Variants in HEATR5A observed in about 807,000 individuals in gnomAD.
HEATR5A encodes the protein HEAT repeat containing 5A.
A neutral mutation model predicts 218.8 loss-of-function variants in HEATR5A; 178 were observed. The ratio of observed to expected loss-of-function variants is 0.81; its 90% confidence interval spans 0.72 to 0.92. The LOEUF (loss-of-function observed/expected upper bound fraction) is 0.92. Ranked by LOEUF, HEATR5A falls within the 40% of genes least tolerant of loss-of-function variation. The probability of loss-of-function intolerance (pLI) is 0.00; values close to 1 mark genes in which losing one functional copy is unlikely to be tolerated. For missense variants in HEATR5A, 2,420 were observed against 2,418.9 expected (o/e 1.00, Z -0.01); for synonymous variants, 864 against 871.6 (o/e 0.99, Z 0.15).
chr14:31,338,976 C>T (rs112585592), intron 21 of HEATR5A, among the ~76,000 whole-genome samples: 12 of 151,190 alleles, frequency 7.9e-5, no homozygotes, highest in African/African-American at 1.9e-4. Context: ...AAAAATTAGC[C>T]GGGCATGGTG....
Position 31,352,605 on chromosome 14 carries a change from C to T in HEATR5A, c.2412-1888G>A, listed in dbSNP as rs17097835. On this transcript the variant is annotated intron_variant, in intron 16 of 35. Coordinates refer to ENST00000543095, the MANE Select transcript of HEATR5A (RefSeq NM_015473.4). ...AGTTAAAGAGTAAAAAGGAAGGTAT[C>T]GAGGCTATGTGTACATCATAAGGGT... is the stretch of plus-strand genomic sequence containing the variant. 9.8e-3 allele frequency among the ~76,000 whole-genome samples: 1,486 copies of T among 152,104 alleles called. 22 individuals are homozygous for T. The highest frequency in any genetic ancestry group is 0.034 in the African/African-American group (1,402 of 41,482).
At chr14:31,295,570 T>TC (rs1373168979) in intron 34 of HEATR5A, 2 of 153,192 alleles carry the variant, frequency 1.3e-5, no homozygotes, top group African/African-American at 4.9e-5. Context: ...TTTTTTTTTT[T>TC]TTTTTTTTTT....
intron 14 of HEATR5A, 70 bp from the exon 15 acceptor site, chr14:31,359,127 A>C: frequency 7.5e-6 from 11 of 1,474,990 alleles, no homozygotes; most frequent in Non-Finnish European, 1.0e-5. Context: ...TTTAAAACTC[A>C]GGTTGAGCTT....
intron 22 of HEATR5A, among the ~76,000 whole-genome samples, chr14:31,334,863 G>A (rs951815367): frequency 1.9e-4 from 29 of 150,616 alleles, no homozygotes; most frequent in African/African-American, 4.9e-4. Context: ...GGAGAATGGC[G>A]GAAACCCGGG....
intron 35 of HEATR5A, 136 bp downstream of exon 35, chr14:31,293,754 CA>C: frequency 9.6e-7 from 1 of 1,039,722 alleles, no homozygotes; most frequent in Non-Finnish European, 1.4e-6. Flanking sequence ...TAAATAATAT[CA>C]ATACTTGGGA....
rs182156937 is a variant in HEATR5A, at chr14:31,334,728, C to T, written c.3367+2748G>A. Among the ~76,000 whole-genome samples, 812 of 152,200 alleles carry T rather than the reference C, an allele frequency of 5.3e-3. 2 individuals carry two copies. The highest frequency in any genetic ancestry group is 0.02 in the Middle Eastern group (6 of 294). ...TTGGGAGGCCGAGGCGAGTGGATCACGAGGTCAGGAGATTGAGACAATCCT... is the reference window on the plus strand; with the variant it reads ...TTGGGAGGCCGAGGCGAGTGGATCATGAGGTCAGGAGATTGAGACAATCCT... On this transcript the variant is annotated intron_variant, in intron 22 of 35. Coordinates refer to ENST00000543095, the MANE Select transcript of HEATR5A (RefSeq NM_015473.4).
intron 1 of HEATR5A, 32 bp from the exon 2 acceptor site, chr14:31,403,081 G>GA: frequency 2.9e-6 from 3 of 1,046,762 alleles, no homozygotes; most frequent in Non-Finnish European, 4.0e-6. Flanking sequence ...TATTTTAAAA[G>GA]GGGGGTAAAA....
intron 4 of HEATR5A, among the ~76,000 whole-genome samples, chr14:31,396,934 T>C (rs1382234443): frequency 6.6e-6 from 1 of 152,190 alleles, no homozygotes; most frequent in East Asian, 1.9e-4. Context: ...ACCAGTGGAA[T>C]TAGGAGGAAG....
rs548019191 is a variant in HEATR5A at position 31,298,118 on chromosome 14, T to C, written c.5465-2055A>G. 2.6e-5 allele frequency among the ~76,000 whole-genome samples: 4 copies of C among 152,310 alleles called. No individual in the cohort carries two copies. The East Asian group carries it at 7.7e-4, about 29-fold the overall frequency. On this transcript the variant is annotated intron_variant, in intron 33 of 35. Coordinates refer to ENST00000543095, the MANE Select transcript of HEATR5A (RefSeq NM_015473.4). The stretch of plus-strand genomic sequence containing the variant: ...CCATATGAATGAGTCATCTTGGAAA[T>C]GAATCCTCTAGCTGCAGCCCTGGCC...
At chr14:31,389,752 CA>C (rs528425440) in intron 6 of HEATR5A, among the ~76,000 whole-genome samples, 31 of 152,096 alleles carry the variant, frequency 2.0e-4, no homozygotes, top group East Asian at 7.7e-4. Context: ...CAGTTATGAA[CA>C]AAAAAACCTC....
chr14:31,345,608 C>G (rs775349046), intron 19 of HEATR5A, among the ~76,000 whole-genome samples: 35 of 152,270 alleles, frequency 2.3e-4, no homozygotes, highest in African/African-American at 8.2e-4. Flanking sequence ...TCTACAATTA[C>G]ATTCAACAAT....
chr14:31,305,674 G>C (rs1380491135), intron 31 of HEATR5A, among the ~76,000 whole-genome samples: 1 of 152,178 alleles, frequency 6.6e-6, no homozygotes, highest in Non-Finnish European at 1.5e-5. Context: ...TTGCTCAAAA[G>C]AAGTCTTTTT....
rs1366242923 is a variant in HEATR5A, at chr14:31,292,533, C to T, written c.*772G>A. The T allele has an allele frequency of 1.3e-5, 2 of 151,782 alleles. No homozygotes were observed. Among genetic ancestry groups the T allele is most frequent in the African/African-American group, 4.8e-5 (2 of 41,280 alleles). The allele number at this position is 151,782 out of a possible 1,614,324, so 9.4% of individuals were successfully genotyped here. A position where few individuals can be genotyped will look rare whatever the true frequency, so the allele number is the denominator to read the frequency against. On this transcript the variant is annotated 3_prime_UTR_variant, in exon 36 of 36. Transcript: ENST00000543095. The stretch of plus-strand genomic sequence containing the variant: ...CTAAATAGCTCTCCAATCATTTTAT[C>T]TTCTTGGAGAAATCAGAGAAAGTTT...
chr14:31,300,317 GCT>G (rs1456854852), intron 33 of HEATR5A, among the ~76,000 whole-genome samples: 2 of 149,966 alleles, frequency 1.3e-5, no homozygotes, highest in African/African-American at 4.9e-5. Context: ...AGACAGTCTC[GCT>G]CTGTTGCCCA....
At chr14:31,330,406 C>G (rs1020372722) in intron 22 of HEATR5A, among the ~76,000 whole-genome samples, 1 of 152,124 alleles carries the variant, frequency 6.6e-6, no homozygotes. Flanking sequence ...CCCATAAAAC[C>G]ATTTTTCCCT....
At chr14:31,337,688 T>C in intron 21 of HEATR5A, 74 bp from the exon 22 acceptor site, 1 of 1,313,260 alleles carries the variant, frequency 7.6e-7, no homozygotes. Flanking sequence ...AGATATTCAC[T>C]GGACCCCTTC....
At chr14:31,407,272 T>G (rs1479599036) in intron 1 of HEATR5A, among the ~76,000 whole-genome samples, 1 of 152,176 alleles carries the variant, frequency 6.6e-6, no homozygotes, top group Non-Finnish European at 1.5e-5. Flanking sequence ...GCAAGTCATT[T>G]TTTAAAAAGC....
In HEATR5A at chr14:31,403,035, C is replaced by A; in HGVS notation, c.-60G>T. On this transcript the variant is annotated 5_prime_UTR_variant, in exon 2 of 36. Coordinates refer to ENST00000543095, the MANE Select transcript of HEATR5A (RefSeq NM_015473.4). ...TTCTCGTTAAACTTTGGTCAATATA[C>A]CTAACAATAAAAATCTGCAATACAG... 1 of 1,444,820 alleles carries A rather than the reference C, an allele frequency of 6.9e-7. No homozygotes were observed. The highest frequency in any genetic ancestry group is 9.2e-7 in the Non-Finnish European group (1 of 1,090,574). The allele number at this position is 1,444,820 out of a possible 1,614,324, so 89.5% of individuals were successfully genotyped here.
chr14:31,345,021 G>A (rs1188075852), intron 20 of HEATR5A, 66 bp downstream of exon 20: 6 of 1,339,268 alleles, frequency 4.5e-6, no homozygotes, highest in Non-Finnish European at 6.2e-6. Flanking sequence ...ATACAGACTA[G>A]GAACTGAATT....
Sources: allele counts gnomAD v4.1 joint callset (sites outside exome capture counted in the v4.1 genomes callset), GRCh38; gene constraint gnomAD v4.1.1; transcripts MANE v1.5; gene names NCBI Gene and HGNC (gene_info 2026-07-23, HGNC 2026-07-21).